Variants in ABHD2 observed in about 807,000 individuals in gnomAD.
ABHD2 encodes the protein monoacylglycerol lipase ABHD2.
A neutral mutation model predicts 48.1 loss-of-function variants in ABHD2; 20 were observed. The observed-to-expected ratio is 0.42, with a 90% confidence interval of 0.29 to 0.60. The LOEUF (loss-of-function observed/expected upper bound fraction) is 0.60. Among genes scored for constraint, ABHD2 ranks in the 20% least tolerant of loss-of-function variants. The probability of loss-of-function intolerance (pLI) is 0.24; values close to 1 mark genes in which losing one functional copy is unlikely to be tolerated. For synonymous variants in ABHD2, 209 were observed against 214.2 expected (o/e 0.98, Z 0.21); for missense variants, 405 against 550.9 (o/e 0.74, Z 2.65).
the ABHD2 span, among the ~76,000 whole-genome samples, chr15:89,079,346 T>C: frequency 6.6e-6 from 1 of 152,196 alleles, no homozygotes; most frequent in Admixed American, 6.5e-5. This position sits in a 1 kb window ranked among gnomAD's most constrained non-coding sequence, Gnocchi z 4.3. Flanking sequence ...AAAACCCTTT[T>C]TGGAAAAAGC....
chr15:89,115,370 ATGTGTG>A (rs1164718189), intron 2 of ABHD2, among the ~76,000 whole-genome samples: 2,065 of 100,232 alleles, frequency 0.021, 22 homozygotes, highest in African/African-American at 0.039. Context: ...GTTTGGAGGT[ATGTGTG>A]TGTGTGTGTG....
intron 1 of ABHD2, chr15:89,103,922 A>T (rs1332170495): frequency 6.6e-6 from 1 of 152,130 alleles, no homozygotes; most frequent in African/African-American, 2.4e-5. Context: ...AATCCTTCAT[A>T]TTTATCTGGA....
intron 6 of ABHD2, chr15:89,183,482 CT>C (rs2051156315): frequency 7.0e-6 from 1 of 142,794 alleles, no homozygotes; most frequent in Non-Finnish European, 1.5e-5. Flanking sequence ...GTTTCAATTC[CT>C]TAATTCTACA....
Position 89,167,558 on chromosome 15 carries a change from T to G in ABHD2, c.539-8254T>G, listed in dbSNP as rs2050856664. 6.6e-6 allele frequency among the ~76,000 whole-genome samples: 1 copy of G among 152,224 alleles called. No individual in the cohort carries two copies. Among genetic ancestry groups the G allele is most frequent in the Non-Finnish European group, 1.5e-5 (1 of 68,036 alleles). On this transcript the variant is annotated intron_variant, in intron 5 of 10. Transcript: ENST00000352732. The surrounding 1 kb of genome is among the most constrained non-coding windows in gnomAD (Gnocchi z 5.5). ...CACTTTCAGGATGATATCTGAATAC[T>G]TAAACCTTTAGCCATAAGAGGGCAG...
intron 3 of ABHD2, among the ~76,000 whole-genome samples, chr15:89,147,977 C>T (rs866751903): frequency 2.6e-5 from 4 of 151,310 alleles, no homozygotes; most frequent in East Asian, 2.0e-4. Flanking sequence ...ATCAGCCGGG[C>T]GTGATGACAT....
the ABHD2 span, among the ~76,000 whole-genome samples, chr15:89,044,754 T>G: frequency 6.6e-6 from 1 of 152,200 alleles, no homozygotes; most frequent in East Asian, 1.9e-4. Context: ...TGGGGTTGTT[T>G]GTTTTTTTCT....
In ABHD2 at chr15:89,155,658, C is replaced by T. The variant is rs773011087; in HGVS notation, c.538+124C>T. The T allele has an allele frequency of 3.4e-4, 418 of 1,242,292 alleles. 1 individual carries two copies. Among genetic ancestry groups the T allele is most frequent in the Non-Finnish European group, 4.2e-4 (378 of 902,750 alleles). The allele number at this position is 1,242,292 out of a possible 1,614,324, so 77.0% of individuals were successfully genotyped here. ...CATCTGCAAGAGATGGTAGGTCACACGGTTATATCAACAGCCAACTTGTAC... is the reference window on the plus strand; with the variant it reads ...CATCTGCAAGAGATGGTAGGTCACATGGTTATATCAACAGCCAACTTGTAC... On this transcript the variant is annotated intron_variant, in intron 5 of 10. Transcript: ENST00000352732. This position sits in a 1 kb window ranked among gnomAD's most constrained non-coding sequence, Gnocchi z 4.9.
the ABHD2 span, among the ~76,000 whole-genome samples, chr15:89,051,315 T>C: frequency 2.0e-5 from 3 of 152,168 alleles, no homozygotes; most frequent in African/African-American, 7.2e-5. Context: ...ATATACCTCA[T>C]ACTCTTCCTG....
At chr15:89,126,004 C>T (rs533410124) in intron 3 of ABHD2, among the ~76,000 whole-genome samples, 6 of 152,290 alleles carry the variant, frequency 3.9e-5, no homozygotes, top group Non-Finnish European at 7.4e-5. Flanking sequence ...TGGAAAAAGG[C>T]TCATCCTTTA....
In ABHD2 at chr15:89,151,659, C is replaced by T. The variant is rs1456289976; in HGVS notation, c.195-18C>T. 6.2e-7 allele frequency: 1 copy of T among 1,608,640 alleles called. No individual in the cohort carries two copies. The highest frequency in any genetic ancestry group is 8.5e-7 in the Non-Finnish European group (1 of 1,176,322). ...CAAGGAATGTAGAGAAAATTGACCTCCCTTGTCCTTTCTTTAGATACATTC... is the reference window on the plus strand; with the variant it reads ...CAAGGAATGTAGAGAAAATTGACCTTCCTTGTCCTTTCTTTAGATACATTC... On this transcript the variant is annotated intron_variant, in intron 3 of 10. Transcript: ENST00000352732. This position sits in a 1 kb window ranked among gnomAD's most constrained non-coding sequence, Gnocchi z 4.7.
intron 5 of ABHD2, among the ~76,000 whole-genome samples, chr15:89,163,387 G>A (rs1019993764): frequency 3.3e-5 from 5 of 152,208 alleles, no homozygotes; most frequent in African/African-American, 1.2e-4. Context: ...AATTCATTAA[G>A]GAAAATTCTT....
Position 89,091,316 on chromosome 15 carries a change from A to C in ABHD2, c.-107+2753A>C, listed in dbSNP as rs1901588621. Reference sequence around the variant, plus strand: ...GAACCAAAGATTATCACTTCATTAAATGGCACCTTCTCATGCTTTATTTTT... The same window carrying C: ...GAACCAAAGATTATCACTTCATTAACTGGCACCTTCTCATGCTTTATTTTT... On this transcript the variant is annotated intron_variant, in intron 1 of 10. Coordinates refer to ENST00000352732, the MANE Select transcript of ABHD2 (RefSeq NM_152924.5). The surrounding 1 kb of genome is among the most constrained non-coding windows in gnomAD (Gnocchi z 5.5). Among the ~76,000 whole-genome samples, 2 of 152,194 alleles carry C rather than the reference A, an allele frequency of 1.3e-5. No individual in the cohort carries two copies. Among genetic ancestry groups the C allele is most frequent in the Admixed American group, 6.5e-5 (1 of 15,284 alleles).
chr15:89,062,402 T>C, the ABHD2 span, among the ~76,000 whole-genome samples: 1 of 152,124 alleles, frequency 6.6e-6, no homozygotes. Flanking sequence ...TTTTGTTTTT[T>C]GAGACAGGGT....
Position 89,185,599 on chromosome 15 carries a change from G to A in ABHD2, c.815+83G>A, listed in dbSNP as rs1596158644. On this transcript the variant is annotated intron_variant, in intron 7 of 10. Coordinates refer to ENST00000352732, the MANE Select transcript of ABHD2 (RefSeq NM_152924.5). This position sits in a 1 kb window ranked among gnomAD's most constrained non-coding sequence, Gnocchi z 5.9. Reference sequence around the variant, plus strand: ...GGAACCGTGAAAAGCCAGGACTCCTGTTCCTTCAGGGGAAAAAAAAAAATG... The same window carrying A: ...GGAACCGTGAAAAGCCAGGACTCCTATTCCTTCAGGGGAAAAAAAAAAATG... 7.3e-6 allele frequency: 9 copies of A among 1,232,284 alleles called. No homozygotes were observed. The highest frequency in any genetic ancestry group is 1.1e-5 in the Non-Finnish European group (9 of 853,674). 76.3% of individuals were successfully genotyped at this position (1,232,284 alleles called of 1,614,324 possible). A position where few individuals can be genotyped will look rare whatever the true frequency, so the allele number is the denominator to read the frequency against.
intron 3 of ABHD2, among the ~76,000 whole-genome samples, chr15:89,125,205 G>A (rs914048342): frequency 9.9e-5 from 15 of 151,418 alleles, no homozygotes; most frequent in Admixed American, 2.0e-4. Flanking sequence ...GCAGTGAGCC[G>A]ACATTGCGCC....
chr15:89,127,385 A>G (rs2050145586), intron 3 of ABHD2, among the ~76,000 whole-genome samples: 1 of 152,104 alleles, frequency 6.6e-6, no homozygotes, highest in African/African-American at 2.4e-5. Context: ...AACCATCTGT[A>G]GCCTCCCAGG....
intron 2 of ABHD2, among the ~76,000 whole-genome samples, chr15:89,115,831 T>A (rs890434359): frequency 1.4e-4 from 21 of 152,078 alleles, no homozygotes; most frequent in African/African-American, 4.8e-4. Flanking sequence ...GCACCAGCAG[T>A]CCTTTCCGGG....
At chr15:89,066,326 A>G in the ABHD2 span, among the ~76,000 whole-genome samples, 8 of 151,992 alleles carry the variant, frequency 5.3e-5, 1 homozygote, top group Admixed American at 4.6e-4. Flanking sequence ...CCTTAGTGGT[A>G]TTGGTTTGTA....
chr15:89,112,892 A>G (rs1330351709), intron 1 of ABHD2, among the ~76,000 whole-genome samples: 1 of 152,222 alleles, frequency 6.6e-6, no homozygotes, highest in Non-Finnish European at 1.5e-5. Context: ...TCTATGTCTC[A>G]GTTACCTTGT....
Sources: allele counts gnomAD v4.1 joint callset (sites outside exome capture counted in the v4.1 genomes callset), GRCh38; gene constraint gnomAD v4.1.1; non-coding constraint Gnocchi (gnomAD v3.1); transcripts MANE v1.5; gene names NCBI Gene and HGNC (gene_info 2026-07-23, HGNC 2026-07-21).